The following LIN28B variants were observed in gnomAD, a reference collection of about 807,000 sequenced individuals.
LIN28B encodes the protein protein lin-28 homolog B.
Under a neutral mutation model 21.9 loss-of-function variants are expected in LIN28B, and 5 were observed. That is an observed-to-expected ratio of 0.23 (90% CI 0.12 to 0.48). The LOEUF is 0.48. Ranked by LOEUF, LIN28B falls within the 20% of genes least tolerant of loss-of-function variation. The pLI is 0.98. For synonymous variants in LIN28B, 109 were observed against 111.3 expected (o/e 0.98, Z 0.13); for missense variants, 245 against 310.5 (o/e 0.79, Z 1.58).
chr6:104,975,604 A>T (rs946889666), intron 2 of LIN28B, among the ~76,000 whole-genome samples: 1 of 152,120 alleles, frequency 6.6e-6, no homozygotes, highest in African/African-American at 2.4e-5. Context: ...CAGTGATGAT[A>T]GTGTAACTTT....
chr6:104,958,176 G>A lies in LIN28B; in HGVS notation c.88G>A (p.Gly30Arg). The A allele has an allele frequency of 1.2e-6, 2 of 1,607,518 alleles. No homozygotes were observed. The highest frequency in any genetic ancestry group is 8.5e-7 in the Non-Finnish European group (1 of 1,174,996). ...PAEEESQVLRGTGHCKWFNVR... is the reference protein window; with the variant it reads ...PAEEESQVLRRTGHCKWFNVR... ...AGAGGAGGAATCCCAGGTTTTGCGC[G>A]GAACTGGCCACTGTAAGTGGTTCAA... Residue 30 changes from glycine to arginine, a missense_variant, in exon 2 of 4, where the codon GGA becomes AGA. Coordinates refer to ENST00000345080, the MANE Select transcript of LIN28B (RefSeq NM_001004317.4).
At chr6:105,046,810 G>A (rs1196262465) in intron 3 of LIN28B, among the ~76,000 whole-genome samples, 3 of 152,192 alleles carry the variant, frequency 2.0e-5, no homozygotes, top group Admixed American at 2.0e-4. Flanking sequence ...CTGCATAAAT[G>A]TCTTCTTTTG....
At chr6:105,058,497 T>C (rs1772065835) in intron 3 of LIN28B, among the ~76,000 whole-genome samples, 1 of 152,204 alleles carries the variant, frequency 6.6e-6, no homozygotes, top group East Asian at 1.9e-4. Flanking sequence ...AAGCTTCAGA[T>C]TGTTGCTAGT....
chr6:105,073,365 C>T (rs1663447004), intron 3 of LIN28B, among the ~76,000 whole-genome samples: 1 of 151,878 alleles, frequency 6.6e-6, no homozygotes, highest in African/African-American at 2.4e-5. Flanking sequence ...TTTCTTTAGC[C>T]CCTCTGCCTC....
intron 2 of LIN28B, among the ~76,000 whole-genome samples, chr6:104,942,353 C>G (rs974383918): frequency 1.4e-4 from 22 of 151,926 alleles, no homozygotes; most frequent in African/African-American, 4.8e-4. Flanking sequence ...ACCATATTTA[C>G]TTAGATAATG....
intron 2 of LIN28B, among the ~76,000 whole-genome samples, chr6:104,981,783 G>T (rs1770231713): frequency 6.6e-6 from 1 of 152,132 alleles, no homozygotes. Context: ...GTTACTTGTT[G>T]CTCTTTTTAT....
chr6:105,078,924 A>G lies in LIN28B; in HGVS notation c.*141A>G, dbSNP rs140486596. On this transcript the variant is annotated 3_prime_UTR_variant, in exon 4 of 4. Transcript: ENST00000345080. ...GAACTGTGAATTTTTTAAACAGACA[A>G]ATCACTCTAAGCAAATTACATTTGA... The G allele has an allele frequency of 4.2e-4, 376 of 904,992 alleles. 1 individual carries two copies. The highest frequency in any genetic ancestry group is 3.1e-3 in the African/African-American group (184 of 59,458). 56.1% of individuals were successfully genotyped at this position (904,992 alleles called of 1,614,324 possible).
chr6:104,951,647 G>A (rs189950693), intron 3 of LIN28B, among the ~76,000 whole-genome samples: 2 of 152,222 alleles, frequency 1.3e-5, no homozygotes, highest in East Asian at 3.9e-4. Context: ...CTGCAATAAA[G>A]TTTCATGTCT....
chr6:105,074,672 T>G (rs917206408), intron 3 of LIN28B, among the ~76,000 whole-genome samples: 14 of 152,182 alleles, frequency 9.2e-5, no homozygotes, highest in African/African-American at 3.4e-4. Flanking sequence ...AAGAACTTGA[T>G]AACCGTCTAA....
intron 2 of LIN28B, among the ~76,000 whole-genome samples, chr6:105,022,678 T>C (rs1408483146): frequency 1.3e-5 from 2 of 152,052 alleles, no homozygotes; most frequent in Non-Finnish European, 2.9e-5. Flanking sequence ...TAGAGTAATG[T>C]TTTTAGGTTT....
chr6:105,012,032 C>T (rs189302844), intron 2 of LIN28B, among the ~76,000 whole-genome samples: 294 of 152,024 alleles, frequency 1.9e-3, no homozygotes, highest in African/African-American at 6.9e-3. Flanking sequence ...GTGGCAGGCA[C>T]CTGTAATCCC....
chr6:104,945,810 AGCT>A (rs1400468374), intron 2 of LIN28B, among the ~76,000 whole-genome samples: 1 of 152,144 alleles, frequency 6.6e-6, no homozygotes, highest in African/African-American at 2.4e-5. Flanking sequence ...TGTGTTTGCC[AGCT>A]GCTATCTGTG....
rs142297686 is a variant in LIN28B, at chr6:104,968,264, G to A, written c.198+9978G>A. 3.6e-3 allele frequency among the ~76,000 whole-genome samples: 553 copies of A among 152,192 alleles called. 2 individuals carry two copies. Among genetic ancestry groups the A allele is most frequent in the Middle Eastern group, 0.034 (10 of 294 alleles). Reference sequence around the variant, plus strand: ...CTGTGTTGTATTCACTTCCTTTTACGAAGTCTAATTATACAGTCTCTACCA... The same window carrying A: ...CTGTGTTGTATTCACTTCCTTTTACAAAGTCTAATTATACAGTCTCTACCA... On this transcript the variant is annotated intron_variant, in intron 2 of 3. Transcript: ENST00000345080.
rs1250348244 is a variant in LIN28B at position 105,082,731 on chromosome 6, A to C, written c.*3948A>C. 6.6e-6 allele frequency: 1 copy of C among 152,606 alleles called. No individual in the cohort carries two copies. Among genetic ancestry groups the C allele is most frequent in the Non-Finnish European group, 1.5e-5 (1 of 68,040 alleles). 9.5% of individuals were successfully genotyped at this position (152,606 alleles called of 1,614,324 possible). On this transcript the variant is annotated 3_prime_UTR_variant, in exon 4 of 4. Transcript: ENST00000345080. ...ATTGTTCAGTTAGAGTGAGAAGTTG[A>C]CCTATGATTCATTTTTAAATTTTAT...
intron 2 of LIN28B, among the ~76,000 whole-genome samples, chr6:105,025,880 T>A (rs143087685): frequency 6.6e-6 from 1 of 152,196 alleles, no homozygotes; most frequent in Non-Finnish European, 1.5e-5. Context: ...ATAAAACTTC[T>A]CTTAATGGCT....
At chr6:104,956,387 G>C (rs974849339), upstream of LIN28B, among the ~76,000 whole-genome samples, 6 of 152,166 alleles carry the variant, frequency 3.9e-5, no homozygotes, top group Non-Finnish European at 7.3e-5. Flanking sequence ...AGAAACCTGT[G>C]AAGTACAATT....
intron 2 of LIN28B, among the ~76,000 whole-genome samples, chr6:104,997,170 A>T (rs981103747): frequency 1.3e-5 from 2 of 151,590 alleles, no homozygotes; most frequent in Non-Finnish European, 2.9e-5. Context: ...AGTCCCAGCT[A>T]CTCGGGAGGC....
At chr6:104,996,476 T>C (rs536548266) in intron 2 of LIN28B, among the ~76,000 whole-genome samples, 33 of 152,342 alleles carry the variant, frequency 2.2e-4, no homozygotes, top group African/African-American at 7.9e-4. Context: ...TGTGAAGGGC[T>C]GCTTCTGTCT....
At chr6:105,011,758 T>TCACTTAAA (rs1770927933) in intron 2 of LIN28B, among the ~76,000 whole-genome samples, 1 of 151,942 alleles carries the variant, frequency 6.6e-6, no homozygotes, top group African/African-American at 2.4e-5. Context: ...GGCAGGAGAA[T>TCACTTAAA]CACTTAAACC....
Sources: allele counts gnomAD v4.1 joint callset (sites outside exome capture counted in the v4.1 genomes callset), GRCh38; gene constraint gnomAD v4.1.1; transcripts MANE v1.5; gene names NCBI Gene and HGNC (gene_info 2026-07-23, HGNC 2026-07-21).